Variants in CTNNA2 observed in about 807,000 individuals in gnomAD.
CTNNA2 encodes catenin alpha 2.
CTNNA2 carries 42 observed loss-of-function variants against 101.0 expected under a neutral mutation model. That is an observed-to-expected ratio of 0.42 (90% CI 0.32 to 0.54). The LOEUF (loss-of-function observed/expected upper bound fraction) is 0.54. Ranked by LOEUF, CTNNA2 falls within the 20% of genes least tolerant of loss-of-function variation. The pLI is 0.14. For missense variants in CTNNA2, 871 were observed against 1,223.1 expected (o/e 0.71, Z 4.29); for synonymous variants, 450 against 456.4 (o/e 0.99, Z 0.18).
At chr2:79,205,717 T>C (rs937869979) in intron 2 of CTNNA2, among the ~76,000 whole-genome samples, 4 of 152,290 alleles carry the variant, frequency 2.6e-5, no homozygotes, top group Admixed American at 2.0e-4. Flanking sequence ...CATTTCTCCA[T>C]TGCCTCGTGA....
At chr2:80,052,684 T>TAGTGAA (rs1696952580) in intron 7 of CTNNA2, among the ~76,000 whole-genome samples, 1 of 152,218 alleles carries the variant, frequency 6.6e-6, no homozygotes, top group African/African-American at 2.4e-5. Context: ...ACTGAAGTAG[T>TAGTGAA]GTAACTATGA....
At chr2:80,175,610 G>A (rs1038775385) in intron 7 of CTNNA2, among the ~76,000 whole-genome samples, 1 of 152,154 alleles carries the variant, frequency 6.6e-6, no homozygotes, top group African/African-American at 2.4e-5. Flanking sequence ...AGTTTGGGTT[G>A]TCTAGAGGGA....
intron 7 of CTNNA2, among the ~76,000 whole-genome samples, chr2:80,373,570 T>G (rs1675649211): frequency 6.6e-6 from 1 of 152,184 alleles, no homozygotes; most frequent in Non-Finnish European, 1.5e-5. Flanking sequence ...CTTACTGAAA[T>G]GAGAAATATT....
intron 1 of CTNNA2, among the ~76,000 whole-genome samples, chr2:79,542,278 A>C (rs1368733011): frequency 1.3e-5 from 2 of 152,158 alleles, no homozygotes; most frequent in African/African-American, 4.8e-5. Flanking sequence ...GAAAGAAAGA[A>C]ATTTTGTATT....
intron 7 of CTNNA2, among the ~76,000 whole-genome samples, chr2:79,941,057 T>G (rs1037801847): frequency 2.6e-5 from 4 of 152,216 alleles, no homozygotes; most frequent in African/African-American, 9.6e-5. Flanking sequence ...AGTCTTGAGC[T>G]TCTGCATTTC....
intron 7 of CTNNA2, among the ~76,000 whole-genome samples, chr2:80,048,694 C>T (rs1332829877): frequency 6.6e-6 from 1 of 152,180 alleles, no homozygotes; most frequent in Non-Finnish European, 1.5e-5. Context: ...TGGGGATAAA[C>T]TGGCGTATAA....
At chr2:79,951,218 A>G (rs1315622897) in intron 7 of CTNNA2, among the ~76,000 whole-genome samples, 2 of 152,252 alleles carry the variant, frequency 1.3e-5, no homozygotes, top group East Asian at 3.8e-4. Context: ...ATTTAGCCAT[A>G]TATTAGAATA....
At chr2:79,794,170 T>A (rs1675510696) in intron 3 of CTNNA2, among the ~76,000 whole-genome samples, 2 of 151,664 alleles carry the variant, frequency 1.3e-5, no homozygotes, top group South Asian at 4.2e-4. Context: ...GAGGAAAGAA[T>A]GAGAAGGAGG....
chr2:79,643,970 A>C (rs1680625185), intron 1 of CTNNA2, among the ~76,000 whole-genome samples: 1 of 152,076 alleles, frequency 6.6e-6, no homozygotes, highest in Non-Finnish European at 1.5e-5. Context: ...CCCGTCTTAC[A>C]TCCTCTTCTG....
In CTNNA2 at chr2:80,109,836, CT is replaced by C. The variant is rs1429922581; in HGVS notation, c.1056+200046del. On this transcript the variant is annotated intron_variant, in intron 7 of 18. Coordinates refer to ENST00000402739, the MANE Select transcript of CTNNA2 (RefSeq NM_001282597.3). ...CCCCACCCACGGTGCTCACTAAATG[CT>C]TTTTTTACTTCCTCCACCAGTTCTC... Among the ~76,000 whole-genome samples, 4 of 152,088 alleles carry C rather than the reference CT, an allele frequency of 2.6e-5. No individual in the cohort carries two copies. The East Asian group carries it at 7.7e-4, about 29-fold the overall frequency.
chr2:80,093,869 A>G (rs190915751), intron 7 of CTNNA2, among the ~76,000 whole-genome samples: 15,754 of 151,504 alleles, frequency 0.1, 970 homozygotes, highest in South Asian at 0.31. Context: ...TTTTTCTTGT[A>G]AATTTGTTTG....
intron 7 of CTNNA2, among the ~76,000 whole-genome samples, chr2:80,271,321 T>G (rs1402870058): frequency 6.6e-6 from 1 of 152,170 alleles, no homozygotes; most frequent in Admixed American, 6.5e-5. Context: ...TGTGCCCAGT[T>G]GGCTAGCTCC....
At chr2:79,769,966 G>A (rs1246261022) in intron 3 of CTNNA2, among the ~76,000 whole-genome samples, 1 of 152,196 alleles carries the variant, frequency 6.6e-6, no homozygotes, top group Non-Finnish European at 1.5e-5. Flanking sequence ...CTGAGCAACT[G>A]AGTTTTAAAA....
chr2:79,287,130 T>C (rs959424112), intron 2 of CTNNA2, among the ~76,000 whole-genome samples: 1 of 152,176 alleles, frequency 6.6e-6, no homozygotes, highest in Non-Finnish European at 1.5e-5. Flanking sequence ...CACTTCTCTG[T>C]ATTGGTTATT....
At chr2:80,094,187 G>T (rs560444585) in intron 7 of CTNNA2, among the ~76,000 whole-genome samples, 1 of 152,210 alleles carries the variant, frequency 6.6e-6, no homozygotes, top group Non-Finnish European at 1.5e-5. Context: ...TTTGTATAAG[G>T]TATAAGGAAG....
chr2:80,163,109 A>C, intron 7 of CTNNA2: 2 of 1,579,278 alleles, frequency 1.3e-6, no homozygotes, highest in South Asian at 2.2e-5. Flanking sequence ...TTGGTTTACC[A>C]TCCTTATCTT....
intron 1 of CTNNA2, among the ~76,000 whole-genome samples, chr2:79,541,416 A>ACG (rs1405181540): frequency 3.5e-4 from 21 of 60,728 alleles, no homozygotes; most frequent in Middle Eastern, 0.015. Flanking sequence ...ACATACACAC[A>ACG]CGCACACACA....
chr2:79,554,570 A>G (rs997135315), intron 1 of CTNNA2, among the ~76,000 whole-genome samples: 2 of 152,150 alleles, frequency 1.3e-5, no homozygotes, highest in Non-Finnish European at 2.9e-5. Context: ...GCCAGGCCAT[A>G]GGATGTTTCA....
chr2:80,475,067 T>C (rs1572981479), intron 9 of CTNNA2, among the ~76,000 whole-genome samples: 1 of 152,200 alleles, frequency 6.6e-6, no homozygotes, highest in Non-Finnish European at 1.5e-5. Flanking sequence ...ATTTTTCTGT[T>C]TGCCATTTTT....
Sources: allele counts gnomAD v4.1 joint callset (sites outside exome capture counted in the v4.1 genomes callset), GRCh38; gene constraint gnomAD v4.1.1; transcripts MANE v1.5; gene names NCBI Gene and HGNC (gene_info 2026-07-23, HGNC 2026-07-21).